The following USH2A variants were observed in gnomAD, a reference collection of about 807,000 sequenced individuals.
USH2A encodes Usher syndrome 2A (autosomal recessive, mild).
In USH2A, 443 loss-of-function variants were observed where a neutral mutation model predicts 538.9. The ratio of observed to expected loss-of-function variants is 0.82; its 90% CI spans 0.76 to 0.89. The LOEUF (loss-of-function observed/expected upper bound fraction) is 0.89. Ranked by LOEUF, USH2A falls within the 40% of genes least tolerant of loss-of-function variation. The pLI, the probability that USH2A is intolerant of heterozygous loss-of-function variation, is 0.00. For missense variants in USH2A, 6,633 were observed against 6,324.8 expected (o/e 1.05, Z -1.65); for synonymous variants, 2,413 against 2,273.5 (o/e 1.06, Z -1.75).
intron 61 of USH2A, among the ~76,000 whole-genome samples, chr1:215,691,444 G>A (rs1658605865): frequency 6.6e-6 from 1 of 152,024 alleles, no homozygotes; most frequent in African/African-American, 2.4e-5. Context: ...CGTGCCTTGA[G>A]GCCTCTGTAC....
At chr1:215,951,420 A>T (rs1461101064) in intron 37 of USH2A, among the ~76,000 whole-genome samples, 9 of 152,274 alleles carry the variant, frequency 5.9e-5, no homozygotes, top group African/African-American at 2.2e-4. Flanking sequence ...TCTGAGAGAC[A>T]GTTTGTTATA....
chr1:215,649,184 G>T (rs991913351), intron 65 of USH2A, among the ~76,000 whole-genome samples: 3 of 152,156 alleles, frequency 2.0e-5, no homozygotes, highest in Non-Finnish European at 4.4e-5. Flanking sequence ...TCCATATTCT[G>T]CCATGGTTAC....
At chr1:215,990,712 C>T (rs12567932) in intron 35 of USH2A, among the ~76,000 whole-genome samples, 1 of 150,270 alleles carries the variant, frequency 6.7e-6, no homozygotes. Flanking sequence ...AGTTGTATTT[C>T]TACAGGTAAG....
At chr1:216,009,486 T>G (rs1668490723) in intron 32 of USH2A, among the ~76,000 whole-genome samples, 1 of 152,096 alleles carries the variant, frequency 6.6e-6, no homozygotes, top group African/African-American at 2.4e-5. Flanking sequence ...AGGCAAACGG[T>G]CTGAGGTGCC....
intron 3 of USH2A, among the ~76,000 whole-genome samples, chr1:216,375,605 C>G (rs893326524): frequency 6.6e-6 from 1 of 152,136 alleles, no homozygotes; most frequent in African/African-American, 2.4e-5. Context: ...CAAATTTTCT[C>G]CACATCAGCA....
intron 35 of USH2A, among the ~76,000 whole-genome samples, chr1:215,988,957 G>A (rs887064595): frequency 2.0e-5 from 3 of 152,276 alleles, no homozygotes; most frequent in East Asian, 1.9e-4. Context: ...AGACTTTCAC[G>A]AGTAGGAGAT....
chr1:216,295,600 C>T (rs1353070480), intron 9 of USH2A, among the ~76,000 whole-genome samples: 2 of 151,776 alleles, frequency 1.3e-5, no homozygotes, highest in Non-Finnish European at 3.0e-5. Flanking sequence ...AAATTCAAGA[C>T]AAGATTTATA....
chr1:216,342,568 CAA>C (rs1475448619), intron 4 of USH2A, among the ~76,000 whole-genome samples: 6 of 152,116 alleles, frequency 3.9e-5, no homozygotes, highest in Non-Finnish European at 5.9e-5. Flanking sequence ...TTTACAATAG[CAA>C]AGACATGGAA....
chr1:215,673,211 C>T (rs1450623755), intron 63 of USH2A, among the ~76,000 whole-genome samples: 2 of 152,060 alleles, frequency 1.3e-5, no homozygotes, highest in East Asian at 3.9e-4. Flanking sequence ...CATAAAACCA[C>T]GAATGTTTCA....
chr1:215,817,225 G>C, intron 47 of USH2A, 30 bp from the exon 48 acceptor site: 1 of 1,606,118 alleles, frequency 6.2e-7, no homozygotes, highest in Non-Finnish European at 8.5e-7. Flanking sequence ...CAATACTTCT[G>C]AAAAGACACT....
chr1:215,874,452 ATTGAC>A (rs1664707615), intron 43 of USH2A, among the ~76,000 whole-genome samples: 1 of 152,186 alleles, frequency 6.6e-6, no homozygotes, highest in African/African-American at 2.4e-5. Context: ...TATCTGGATA[ATTGAC>A]TTGAGACTGT....
intron 14 of USH2A, among the ~76,000 whole-genome samples, chr1:216,218,562 T>C (rs1208342818): frequency 1.3e-5 from 2 of 152,076 alleles, no homozygotes; most frequent in Non-Finnish European, 2.9e-5. Context: ...TGTGATCTCT[T>C]GGGTAATCAT....
rs374767779 is a variant in USH2A at position 216,067,871 on chromosome 1, C to T, written c.6049+2230G>A. ...ATTAGGAGTCAATAGCAGCATCTAT[C>T]TGGTATTTGATGTTATGAGAGTCAA... On this transcript the variant is annotated intron_variant, in intron 30 of 71. Transcript: ENST00000307340. Among the ~76,000 whole-genome samples the T allele has an allele frequency of 7.2e-5, 11 of 152,096 alleles. No homozygotes were observed. In the South Asian group the frequency reaches 2.3e-3, roughly 32 times the overall value.
At chr1:216,353,638 T>C (rs1039773878) in intron 4 of USH2A, among the ~76,000 whole-genome samples, 3 of 152,066 alleles carry the variant, frequency 2.0e-5, no homozygotes, top group African/African-American at 7.2e-5. Context: ...TGACCAGCCA[T>C]AGCTGAAACA....
At chr1:216,394,848 A>G (rs2039179889) in intron 3 of USH2A, among the ~76,000 whole-genome samples, 1 of 150,704 alleles carries the variant, frequency 6.6e-6, no homozygotes, top group Admixed American at 6.6e-5. Context: ...CCTCCCAAGT[A>G]GCTGGGACTA....
At chr1:216,235,799 C>T (rs891633261) in intron 13 of USH2A, among the ~76,000 whole-genome samples, 4 of 152,118 alleles carry the variant, frequency 2.6e-5, no homozygotes, top group African/African-American at 9.7e-5. Flanking sequence ...AATGCTGGGG[C>T]TAAGCACTAA....
chr1:216,300,741 G>GTTTT (rs531354825), intron 9 of USH2A, among the ~76,000 whole-genome samples: 8 of 116,568 alleles, frequency 6.9e-5, no homozygotes, highest in Admixed American at 8.9e-5. Context: ...TAGACTCAAT[G>GTTTT]TTTTTTTTTT....
chr1:215,707,967 CA>C (rs1437597436), intron 61 of USH2A, among the ~76,000 whole-genome samples: 1 of 152,056 alleles, frequency 6.6e-6, no homozygotes, highest in Non-Finnish European at 1.5e-5. Flanking sequence ...TTGCATCATT[CA>C]ATGCAACATG....
chr1:215,833,659 A>G lies in USH2A; in HGVS notation c.9371+4332T>C, dbSNP rs147250466. 3.9e-3 allele frequency among the ~76,000 whole-genome samples: 592 copies of G among 152,156 alleles called. 3 individuals are homozygous for G. The highest frequency in any genetic ancestry group is 0.013 in the African/African-American group (544 of 41,564). On this transcript the variant is annotated intron_variant, in intron 47 of 71. Coordinates refer to ENST00000307340, the MANE Select transcript of USH2A (RefSeq NM_206933.4). ...GCAAAAAGTTCTTAGATAAAATACC[A>G]GATGCACAAACTGTCAAGGAAAAAG...
Sources: gnomAD v4.1 joint callset for allele counts (sites outside exome capture counted in the v4.1 genomes callset) on GRCh38, gnomAD v4.1.1 for gene constraint, MANE v1.5 for transcripts, NCBI Gene and HGNC (gene_info 2026-07-23, HGNC 2026-07-21) for gene names.